Variants in PCDH15 observed in about 807,000 individuals in gnomAD.
PCDH15 encodes the protein protocadherin related 15.
A neutral mutation model predicts 178.5 loss-of-function variants in PCDH15; 129 were observed. That is an observed-to-expected ratio of 0.72 (90% CI 0.63 to 0.84). The LOEUF (loss-of-function observed/expected upper bound fraction) is 0.84, where lower values mean the gene tolerates loss of function less well. PCDH15 is among the 40% of genes least tolerant of loss of function. The probability of loss-of-function intolerance (pLI) is 0.00; values close to 1 mark genes in which losing one functional copy is unlikely to be tolerated. For synonymous variants in PCDH15, 800 were observed against 732.0 expected (o/e 1.09, Z -1.50); for missense variants, 2,230 against 2,099.9 (o/e 1.06, Z -1.21).
intron 2 of PCDH15, among the ~76,000 whole-genome samples, chr10:54,618,156 G>A (rs2093239669): frequency 6.6e-6 from 1 of 151,986 alleles, no homozygotes; most frequent in South Asian, 2.1e-4. Flanking sequence ...GATACCTCCT[G>A]TTTTCTATAG....
intron 2 of PCDH15, among the ~76,000 whole-genome samples, chr10:55,058,575 G>A (rs952292798): frequency 6.6e-5 from 10 of 151,948 alleles, no homozygotes; most frequent in Non-Finnish European, 7.4e-5. Context: ...AACGTGTACC[G>A]TGTAGAATAT....
rs1390857674 is a variant in PCDH15 at position 54,236,942 on chromosome 10, A to G, written c.877-11T>C. On this transcript the variant is annotated splice_polypyrimidine_tract_variant and intron_variant, in intron 8 of 37. Coordinates refer to ENST00000644397, the MANE Select transcript of PCDH15 (RefSeq NM_001384140.1). ...GGGGTTCAGTTCTTCCTGAAAAAAA[A>G]ATTAAGAGAGTTTCATTCAGCCGCA... is the stretch of plus-strand genomic sequence containing the variant. 3 of 1,600,420 alleles carry G rather than the reference A, an allele frequency of 1.9e-6. No homozygotes were observed. In the Admixed American group the frequency reaches 5.0e-5, roughly 27 times the overall value.
intron 20 of PCDH15, among the ~76,000 whole-genome samples, chr10:54,017,780 C>A (rs1190686358): frequency 4.0e-5 from 6 of 151,376 alleles, no homozygotes; most frequent in African/African-American, 7.3e-5. Flanking sequence ...ACATGTAATG[C>A]CTGAATCTAA....
chr10:54,401,866 AT>A (rs1216080878), intron 3 of PCDH15, among the ~76,000 whole-genome samples: 1 of 151,918 alleles, frequency 6.6e-6, no homozygotes, highest in Non-Finnish European at 1.5e-5. Context: ...ATTACAAAAA[AT>A]AATAGGAAAC....
intron 2 of PCDH15, among the ~76,000 whole-genome samples, chr10:55,625,289 C>G (rs890302602): frequency 6.6e-6 from 1 of 151,950 alleles, no homozygotes; most frequent in African/African-American, 2.4e-5. Context: ...AATAGGACAG[C>G]CATGACAATA....
chr10:53,810,733 T>C, intron 36 of PCDH15, 69 bp from the exon 37 acceptor site: 1 of 1,367,612 alleles, frequency 7.3e-7, no homozygotes, highest in African/African-American at 1.4e-5. Context: ...ATGAGTGATC[T>C]GTTTCCTTCT....
At chr10:54,681,184 C>G (rs1012593890) in intron 1 of PCDH15, among the ~76,000 whole-genome samples, 1 of 152,104 alleles carries the variant, frequency 6.6e-6, no homozygotes, top group Non-Finnish European at 1.5e-5. Context: ...GTGATCCTCC[C>G]TATTGGGGAG....
At chr10:54,986,489 T>C (rs1157032356) in intron 2 of PCDH15, among the ~76,000 whole-genome samples, 1 of 152,194 alleles carries the variant, frequency 6.6e-6, no homozygotes, top group Non-Finnish European at 1.5e-5. Context: ...AATAAATCTG[T>C]ATTTGAATTA....
At chr10:55,624,980 C>T (rs1212085568) in intron 2 of PCDH15, among the ~76,000 whole-genome samples, 1 of 151,984 alleles carries the variant, frequency 6.6e-6, no homozygotes, top group Non-Finnish European at 1.5e-5. Context: ...ACCTGAACTG[C>T]TTTGCATTTG....
intron 1 of PCDH15, among the ~76,000 whole-genome samples, chr10:54,737,599 G>C (rs1276701158): frequency 6.6e-6 from 1 of 152,000 alleles, no homozygotes; most frequent in African/African-American, 2.4e-5. Context: ...TCTAATTTTA[G>C]TGAAAACAGC....
chr10:54,582,548 G>A (rs1182172622), intron 2 of PCDH15, among the ~76,000 whole-genome samples: 1 of 152,026 alleles, frequency 6.6e-6, no homozygotes, highest in Non-Finnish European at 1.5e-5. Context: ...AACGGTAGGT[G>A]CTCTTATTTT....
At chr10:55,362,368 C>T (rs1316350132) in intron 2 of PCDH15, among the ~76,000 whole-genome samples, 1 of 152,062 alleles carries the variant, frequency 6.6e-6, no homozygotes, top group African/African-American at 2.4e-5. Flanking sequence ...CAGTGCTAAG[C>T]TCTGGAAAAA....
intron 2 of PCDH15, among the ~76,000 whole-genome samples, chr10:54,529,604 G>A (rs919675803): frequency 2.0e-5 from 3 of 151,944 alleles, no homozygotes; most frequent in African/African-American, 7.2e-5. Flanking sequence ...TCCTCTTACT[G>A]TTGCTGGAAT....
At chr10:53,920,619 C>T (rs913214826) in intron 25 of PCDH15, among the ~76,000 whole-genome samples, 5 of 152,048 alleles carry the variant, frequency 3.3e-5, no homozygotes, top group African/African-American at 9.7e-5. Context: ...AGTCATAAAG[C>T]ATACGTACAC....
At chr10:54,840,309 G>A (rs1011880758) in intron 3 of PCDH15, among the ~76,000 whole-genome samples, 1 of 151,990 alleles carries the variant, frequency 6.6e-6, no homozygotes, top group African/African-American at 2.4e-5. Context: ...ATAGCACGAA[G>A]TCTGGGTGGG....
chr10:54,369,025 C>A, intron 5 of PCDH15, 95 bp downstream of exon 5: 4 of 1,388,118 alleles, frequency 2.9e-6, no homozygotes, highest in Admixed American at 1.8e-5. Flanking sequence ...CAGTTAAGCT[C>A]ATAATTTTAA....
chr10:54,126,635 G>T (rs1423986973), intron 15 of PCDH15, among the ~76,000 whole-genome samples: 1 of 151,480 alleles, frequency 6.6e-6, no homozygotes. Context: ...ACATTATAGG[G>T]GTATAAACAC....
chr10:54,112,195 CT>C (rs754490549), intron 15 of PCDH15, among the ~76,000 whole-genome samples: 5 of 152,086 alleles, frequency 3.3e-5, no homozygotes, highest in African/African-American at 7.2e-5. Flanking sequence ...CCTCATTCCT[CT>C]GGCGACCATA....
chr10:55,023,188 G>A (rs1253188739), intron 2 of PCDH15, among the ~76,000 whole-genome samples: 3 of 152,022 alleles, frequency 2.0e-5, no homozygotes, highest in South Asian at 4.2e-4. Flanking sequence ...TGATCTGCCC[G>A]GCCTCTGCCT....
Sources: gnomAD v4.1 joint callset for allele counts (sites outside exome capture counted in the v4.1 genomes callset) on GRCh38, gnomAD v4.1.1 for gene constraint, MANE v1.5 for transcripts, NCBI Gene and HGNC (gene_info 2026-07-23, HGNC 2026-07-21) for gene names.